PCDHGB3: variants seen among roughly 807,000 people sequenced by gnomAD.
PCDHGB3 encodes the protein protocadherin gamma subfamily B, 3.
Under a neutral mutation model 59.2 loss-of-function variants are expected in PCDHGB3, and 40 were observed. The observed-to-expected ratio is 0.68, with a 90% CI of 0.52 to 0.88. The LOEUF is 0.88. PCDHGB3 is among the 40% of genes least tolerant of loss of function. The pLI, the probability that PCDHGB3 is intolerant of heterozygous loss-of-function variation, is 0.00. For synonymous variants in PCDHGB3, 581 were observed against 503.6 expected (o/e 1.15, Z -2.06); for missense variants, 1,309 against 1,187.9 (o/e 1.10, Z -1.50).
At chr5:141,376,318 G>A (rs373956139) in intron 1 of PCDHGB3, 28 of 1,614,082 alleles carry the variant, frequency 1.7e-5, no homozygotes, top group Non-Finnish European at 1.9e-5. Context: ...GCGTGGAAGG[G>A]GTTCGGGCTT....
chr5:141,490,215 G>C lies in PCDHGB3; in HGVS notation c.2416-4592G>C. 6.2e-7 allele frequency: 1 copy of C among 1,614,254 alleles called. No individual in the cohort carries two copies. Among genetic ancestry groups the C allele is most frequent in the African/African-American group, 1.3e-5 (1 of 75,078 alleles). On this transcript the variant is annotated intron_variant, in intron 1 of 3. Coordinates refer to ENST00000576222, the MANE Select transcript of PCDHGB3 (RefSeq NM_018924.5). The surrounding 1 kb of genome is among the most constrained non-coding windows in gnomAD (Gnocchi z 5.4). ...AAATTCATGCAAGAGCCCGTGACCA[G>C]GGACAGCCTGCCATGGAGGGCCACT... is the stretch of plus-strand genomic sequence containing the variant.
rs17097294 is a variant in PCDHGB3 at position 141,425,513 on chromosome 5, T to G, written c.2415+52704T>G. On this transcript the variant is annotated intron_variant, in intron 1 of 3. Coordinates refer to ENST00000576222, the MANE Select transcript of PCDHGB3 (RefSeq NM_018924.5). ...AGGCTATACCTTTATATTCTCTTTA[T>G]GATGAAACATGAAACAATAATCCTT... Among the ~76,000 whole-genome samples, 699 of 152,380 alleles carry G rather than the reference T, an allele frequency of 4.6e-3. 4 individuals carry two copies. The highest frequency in any genetic ancestry group is 0.015 in the African/African-American group (636 of 41,592).
At position 141,512,430 on chromosome 5, in the gene PCDHGB3, CT is replaced by C. The variant is rs1357890225; in HGVS notation, c.*1258del. The C allele has an allele frequency of 1.3e-5, 2 of 152,824 alleles. No homozygotes were observed. Among genetic ancestry groups the C allele is most frequent in the Non-Finnish European group, 2.9e-5 (2 of 68,158 alleles). 9.5% of individuals were successfully genotyped at this position (152,824 alleles called of 1,614,324 possible). On this transcript the variant is annotated 3_prime_UTR_variant, in exon 4 of 4. Coordinates refer to ENST00000576222, the MANE Select transcript of PCDHGB3 (RefSeq NM_018924.5). ...CTTCTTCAACAGGGCCCCTGCCCTCCTGAAGCCTCAGTCCTTCACCTTGCCA... is the reference window on the plus strand; with the variant it reads ...CTTCTTCAACAGGGCCCCTGCCCTCCGAAGCCTCAGTCCTTCACCTTGCCA...
At chr5:141,375,596 G>C (rs574950493) in intron 1 of PCDHGB3, 86 of 1,614,108 alleles carry the variant, frequency 5.3e-5, no homozygotes, top group Non-Finnish European at 6.9e-5. Context: ...GTCCTCCTAC[G>C]TGTCCATCAA....
In PCDHGB3 at chr5:141,413,958, G is replaced by A. The variant is rs774080265; in HGVS notation, c.2415+41149G>A. On this transcript the variant is annotated intron_variant, in intron 1 of 3. Coordinates refer to ENST00000576222, the MANE Select transcript of PCDHGB3 (RefSeq NM_018924.5). ...TGAGTGTTCCTGAGAATTTGCCTGT[G>A]GGCACTCAGCTGCTGACAGTCACAG... The A allele has an allele frequency of 5.0e-6, 8 of 1,613,276 alleles. No individual in the cohort carries two copies. In the South Asian group the frequency reaches 6.6e-5, roughly 13 times the overall value.
intron 1 of PCDHGB3, among the ~76,000 whole-genome samples, chr5:141,437,499 CA>C (rs2097890101): frequency 6.6e-6 from 1 of 152,076 alleles, no homozygotes; most frequent in African/African-American, 2.4e-5. Context: ...GATCACTTTT[CA>C]ATGAATTATA....
intron 1 of PCDHGB3, among the ~76,000 whole-genome samples, chr5:141,461,980 C>G (rs759291534): frequency 9.2e-5 from 14 of 152,176 alleles, no homozygotes; most frequent in Non-Finnish European, 1.5e-4. Flanking sequence ...TATGCCACCA[C>G]GCCAGGCTAA....
intron 1 of PCDHGB3, chr5:141,410,843 C>CTT: frequency 4.6e-6 from 1 of 216,280 alleles, no homozygotes; most frequent in South Asian, 8.0e-5. Flanking sequence ...GATATTTTGT[C>CTT]TTTGTCTTTT....
At chr5:141,465,184 A>G (rs866520508) in intron 1 of PCDHGB3, among the ~76,000 whole-genome samples, 2 of 152,130 alleles carry the variant, frequency 1.3e-5, no homozygotes, top group Admixed American at 6.5e-5. Flanking sequence ...ATTTAATTAA[A>G]AGATAAAAAT....
chr5:141,370,575 T>C lies in PCDHGB3; in HGVS notation c.181T>C (p.Leu61=), dbSNP rs764870172. Residue 61 remains leucine, a synonymous_variant, in exon 1 of 4, where the codon TTA becomes CTA. Coordinates refer to ENST00000576222, the MANE Select transcript of PCDHGB3 (RefSeq NM_018924.5). ...GGACCTGGGGTTTGGCGTGGGGGAT[T>C]TACCTACTAGGAACCTGCGGGTTAT... ...AKDLGFGVGD[L]PTRNLRVIAE... The C allele has an allele frequency of 1.1e-5, 17 of 1,613,766 alleles. No individual in the cohort carries two copies. Among genetic ancestry groups the C allele is most frequent in the Admixed American group, 1.7e-5 (1 of 59,998 alleles).
At chr5:141,494,890 C>A (rs1483157263) in intron 2 of PCDHGB3, 25 bp downstream of exon 2, 1 of 1,614,120 alleles carries the variant, frequency 6.2e-7, no homozygotes. Context: ...CTCCAGCCCA[C>A]CCTCTTCTCT....
intron 3 of PCDHGB3, among the ~76,000 whole-genome samples, chr5:141,508,789 A>C: frequency 1.4e-5 from 2 of 145,944 alleles, no homozygotes; most frequent in African/African-American, 2.6e-5. Context: ...CCCCTAAATC[A>C]CTCTGGAATC....
chr5:141,390,528 G>T (rs1438036547), intron 1 of PCDHGB3: 1 of 537,820 alleles, frequency 1.9e-6, no homozygotes, highest in Non-Finnish European at 3.3e-6. Context: ...TGAGGGTGTG[G>T]TTTTAACCAC....
chr5:141,462,125 A>G (rs918645911), intron 1 of PCDHGB3, among the ~76,000 whole-genome samples: 24 of 151,688 alleles, frequency 1.6e-4, no homozygotes, highest in African/African-American at 5.6e-4. Flanking sequence ...ACCCAGTCCA[A>G]TTTTTTGTAT....
chr5:141,381,832 T>TCTTC (rs1561589349), intron 1 of PCDHGB3, among the ~76,000 whole-genome samples: 34 of 135,172 alleles, frequency 2.5e-4, no homozygotes, highest in African/African-American at 1.0e-3. Context: ...TCTTCTTTTT[T>TCTTC]TTTTTTTTTT....
At chr5:141,422,980 C>T in intron 1 of PCDHGB3, 1 of 1,614,232 alleles carries the variant, frequency 6.2e-7, no homozygotes, top group Middle Eastern at 1.7e-4. Flanking sequence ...CTCTGCGGAA[C>T]CTGGCTACCT....
At chr5:141,507,797 C>A (rs933921827) in intron 3 of PCDHGB3, among the ~76,000 whole-genome samples, 1 of 152,240 alleles carries the variant, frequency 6.6e-6, no homozygotes, top group Admixed American at 6.5e-5. Context: ...TCTAAGCCTG[C>A]GCCCTGGGGA....
chr5:141,400,321 G>A lies in PCDHGB3; in HGVS notation c.2415+27512G>A, dbSNP rs190006023. On this transcript the variant is annotated intron_variant, in intron 1 of 3. Coordinates refer to ENST00000576222, the MANE Select transcript of PCDHGB3 (RefSeq NM_018924.5). ...CCAACCTGGTCTCTGTGTCAAGTCTGGACCTGTGGTTCCCCCCAACTACAG... is the reference window on the plus strand; with the variant it reads ...CCAACCTGGTCTCTGTGTCAAGTCTAGACCTGTGGTTCCCCCCAACTACAG... The A allele has an allele frequency of 9.3e-6, 15 of 1,614,064 alleles. No homozygotes were observed. In the Admixed American group the frequency reaches 2.5e-4, roughly 27 times the overall value.
At chr5:141,409,172 G>A in intron 1 of PCDHGB3, 8 of 1,614,006 alleles carry the variant, frequency 5.0e-6, no homozygotes, top group Non-Finnish European at 6.8e-6. Context: ...AGCGAAGGAC[G>A]GAGGTGGTCT....
Sources: allele counts gnomAD v4.1 joint callset (sites outside exome capture counted in the v4.1 genomes callset), GRCh38; gene constraint gnomAD v4.1.1; non-coding constraint Gnocchi (gnomAD v3.1); transcripts MANE v1.5; gene names NCBI Gene and HGNC (gene_info 2026-07-23, HGNC 2026-07-21).